ARMCX4: variants seen among roughly 807,000 people sequenced by gnomAD.
ARMCX4 encodes armadillo repeat containing X-linked 4, also known as armadillo repeat-containing X-linked protein 4.
In ARMCX4, 3 loss-of-function variants were observed where a neutral mutation model predicts 34.7. The ratio of observed to expected loss-of-function variants is 0.09; its 90% confidence interval spans 0.04 to 0.22. The LOEUF (loss-of-function observed/expected upper bound fraction) is 0.22, where lower values mean the gene tolerates loss of function less well. Among genes scored for constraint, ARMCX4 ranks in the 10% least tolerant of loss-of-function variants. The probability of loss-of-function intolerance (pLI) is 1.00; values close to 1 mark genes in which losing one functional copy is unlikely to be tolerated. For missense variants in ARMCX4, 1,448 were observed against 1,720.8 expected (o/e 0.84, Z 2.81); for synonymous variants, 513 against 632.8 (o/e 0.81, Z 2.84).
chrX:101,463,288 C>T (rs1932701502), intron 4 of ARMCX4, among the ~76,000 whole-genome samples: 1 of 111,309 alleles, frequency 9.0e-6, no homozygotes. Flanking sequence ...CAATCCACTA[C>T]CCACCCAAGA....
At chrX:101,475,439 A>C (rs1933142147) in intron 4 of ARMCX4, among the ~76,000 whole-genome samples, 1 of 111,656 alleles carries the variant, frequency 9.0e-6, no homozygotes, top group Admixed American at 9.6e-5. Context: ...AGGTAAAATA[A>C]ATTGATCTAA....
chrX:101,442,374 C>G (rs1555997075), intron 2 of ARMCX4, among the ~76,000 whole-genome samples: 1 of 111,318 alleles, frequency 9.0e-6, no homozygotes, highest in African/African-American at 3.3e-5. Context: ...ACAGGCATGT[C>G]CAAGGGGTCA....
In ARMCX4 at chrX:101,490,621, G is replaced by C; in HGVS notation, c.2032G>C (p.Gly678Arg). The C allele has an allele frequency of 8.6e-7, 1 of 1,156,482 alleles. No homozygotes were observed. The highest frequency in any genetic ancestry group is 1.8e-5 in the African/African-American group (1 of 56,508). The change falls in exon 6 of 6, where the codon GGT (glycine) becomes CGT (arginine). Residue 678 changes from glycine to arginine, a missense_variant. By Grantham distance (125) the Gly-to-Arg change is moderately radical (BLOSUM62 -2). This residue lies in a region of ARMCX4 where 1,343 missense variants were observed against 1,540.7 expected (regional missense o/e 0.87). Transcript: ENST00000423738. Reference protein sequence around the residue: ...AQLQIMASSKGEALLDSKNKV... With the variant: ...AQLQIMASSKREALLDSKNKV... ...GCTTCAGATTATGGCCAGTTCCAAG[G>C]GTGAGGCCTTGCTTGATTCTAAGAA...
intron 11 of ARMCX4, among the ~76,000 whole-genome samples, chrX:101,518,233 G>A (rs1463670616): frequency 2.7e-5 from 3 of 111,240 alleles, no homozygotes; most frequent in African/African-American, 9.8e-5. Flanking sequence ...TAAAATTATA[G>A]TGACATACTA....
intron 2 of ARMCX4, among the ~76,000 whole-genome samples, chrX:101,436,567 A>G (rs1187672353): frequency 1.8e-5 from 2 of 111,432 alleles, no homozygotes; most frequent in Non-Finnish European, 3.8e-5. Flanking sequence ...GGTTTTCTAG[A>G]TATACAATCA....
In ARMCX4 at chrX:101,489,267, C is replaced by T. The variant is rs974457441; in HGVS notation, c.678C>T (p.Asn226=). ...AAGTGGCCAAGATGGGGGCCACGAA[C>T]AAGACTGGAATTGTGGATGAAACCA... ...PREVAKMGAT[N]KTGIVDETKT... The change falls in exon 6 of 6, where the codon AAC becomes AAT. Residue 226 remains asparagine, a synonymous_variant. Coordinates refer to ENST00000423738, the MANE Select transcript of ARMCX4 (RefSeq NM_001256155.3). 4 of 1,154,114 alleles carry T rather than the reference C, an allele frequency of 3.5e-6. No homozygotes were observed. In the African/African-American group the frequency reaches 7.2e-5, roughly 21 times the overall value.
intron 4 of ARMCX4, among the ~76,000 whole-genome samples, chrX:101,477,355 A>T (rs1333130881): frequency 1.1e-5 from 1 of 95,221 alleles, no homozygotes; most frequent in African/African-American, 3.8e-5. Context: ...CATGAAAATC[A>T]CGTGAACGGA....
chrX:101,474,905 A>G (rs1933105484), intron 4 of ARMCX4, among the ~76,000 whole-genome samples: 1 of 103,469 alleles, frequency 9.7e-6, no homozygotes, highest in Admixed American at 1.1e-4. Flanking sequence ...GGCAGAAGAC[A>G]GGGATGCCCT....
intron 4 of ARMCX4, among the ~76,000 whole-genome samples, chrX:101,473,484 C>A (rs1206415202): frequency 9.6e-6 from 1 of 104,362 alleles, no homozygotes; most frequent in African/African-American, 3.5e-5. Context: ...GAACTCTCCA[C>A]CCCAAATCAA....
upstream of ARMCX4, among the ~76,000 whole-genome samples, chrX:101,480,623 T>C (rs1346587768): frequency 9.0e-6 from 1 of 111,176 alleles, no homozygotes; most frequent in Admixed American, 9.6e-5. Flanking sequence ...TAGTGATAGA[T>C]TGAGAAAATA....
chrX:101,451,997 A>C (rs1932013804), downstream of ARMCX4, among the ~76,000 whole-genome samples: 1 of 112,066 alleles, frequency 8.9e-6, no homozygotes, highest in Non-Finnish European at 1.9e-5. Flanking sequence ...GTTTAACAGA[A>C]TTTCATTGTC....
intron 2 of ARMCX4, among the ~76,000 whole-genome samples, chrX:101,438,656 G>C (rs782281994): frequency 1.7e-3 from 195 of 111,665 alleles, no homozygotes; most frequent in African/African-American, 6.1e-3. Flanking sequence ...GGGTGCTCCT[G>C]TATTGGGTGC....
At position 101,495,353 on chromosome X, in the gene ARMCX4, T is replaced by G; in HGVS notation, c.6764T>G (p.Phe2255Cys). ...QDKFSKNSLY[F>C]LFQRPKACAK... ...AAATTCAGTAAAAATTCCCTTTATT[T>G]CCTATTCCAACGACCTAAAGCATGT... is the stretch of plus-strand genomic sequence containing the variant. The change falls in exon 6 of 6, where the codon TTC becomes TGC. Residue 2255 changes from phenylalanine to cysteine, a missense_variant. Physicochemically the swap from Phe to Cys is radical, Grantham distance 205. Coordinates refer to ENST00000423738, the MANE Select transcript of ARMCX4 (RefSeq NM_001256155.3). 1 of 1,154,351 alleles carries G rather than the reference T, an allele frequency of 8.7e-7. No individual in the cohort carries two copies. The highest frequency in any genetic ancestry group is 1.1e-6 in the Non-Finnish European group (1 of 872,006).
chrX:101,516,342 A>G (rs1301515117), intron 11 of ARMCX4: 1 of 111,774 alleles, frequency 8.9e-6, no homozygotes, highest in Non-Finnish European at 1.9e-5. Flanking sequence ...TTTTCTCCCC[A>G]CTAACATTAT....
chrX:101,477,197 T>G (rs1171333112), intron 4 of ARMCX4, among the ~76,000 whole-genome samples: 1 of 109,442 alleles, frequency 9.1e-6, no homozygotes, highest in African/African-American at 3.3e-5. Context: ...CCCAGCACTT[T>G]GGGAGGCCGA....
downstream of ARMCX4, chrX:101,448,011 T>A (rs1174275452): frequency 8.9e-6 from 1 of 111,764 alleles, no homozygotes; most frequent in Admixed American, 9.6e-5. Flanking sequence ...CTTCCCAGCC[T>A]CTGGTAACCA....
upstream of ARMCX4, among the ~76,000 whole-genome samples, chrX:101,484,197 C>T (rs1933591027): frequency 9.0e-6 from 1 of 111,626 alleles, no homozygotes; most frequent in South Asian, 3.8e-4. Flanking sequence ...CACAGTCATC[C>T]ACAGACCCTC....
At chrX:101,473,063 A>G (rs1932984292) in intron 4 of ARMCX4, among the ~76,000 whole-genome samples, 1 of 111,282 alleles carries the variant, frequency 9.0e-6, no homozygotes. Flanking sequence ...CAGGAAACCC[A>G]TCTCACGTGC....
Position 101,489,798 on chromosome X carries a change from A to C in ARMCX4, c.1209A>C (p.Gln403His). The C allele has an allele frequency of 8.7e-7, 1 of 1,155,881 alleles. No homozygotes were observed. Among genetic ancestry groups the C allele is most frequent in the Non-Finnish European group, 1.1e-6 (1 of 872,818 alleles). ...ACATGAGAGCTGCTGCTCAGCCTCA[A>C]GCTGTTGCCAGTACTCACGCTGAGG... ...GADMRAAAQP[Q>H]AVASTHAEAM... The change falls in exon 6 of 6, where the codon CAA becomes CAC. Residue 403 changes from glutamine to histidine, a missense_variant. By Grantham distance (24) the Gln-to-His change is conservative. This residue lies in a region of ARMCX4 where 1,343 missense variants were observed against 1,540.7 expected (regional missense o/e 0.87). Transcript: ENST00000423738.
Sources: gnomAD v4.1 joint callset for allele counts (sites outside exome capture counted in the v4.1 genomes callset) on GRCh38, gnomAD v4.1.1 for gene constraint, gnomAD v4.1.1 regional missense constraint, MANE v1.5 for transcripts, NCBI Gene and HGNC (gene_info 2026-07-23, HGNC 2026-07-21) for gene names.